GRID2: variants seen among roughly 807,000 people sequenced by gnomAD.
The protein encoded by GRID2 is glutamate receptor ionotropic, delta-2.
GRID2 carries 33 observed loss-of-function variants against 114.8 expected under a neutral mutation model. The observed-to-expected ratio is 0.29, with a 90% confidence interval of 0.22 to 0.38. GRID2 has a LOEUF of 0.38. GRID2 is among the 10% of genes least tolerant of loss of function. The pLI is 1.00. For missense variants in GRID2, 1,184 were observed against 1,257.7 expected (o/e 0.94, Z 0.89); for synonymous variants, 505 against 449.9 (o/e 1.12, Z -1.55).
intron 1 of GRID2, among the ~76,000 whole-genome samples, chr4:92,514,058 T>C (rs185232755): frequency 2.0e-5 from 3 of 151,976 alleles, no homozygotes; most frequent in South Asian, 4.1e-4. Flanking sequence ...TGGGCAGGCA[T>C]TTCTCAGGGG....
chr4:93,463,382 C>T (rs1723934041), intron 11 of GRID2, among the ~76,000 whole-genome samples: 1 of 151,960 alleles, frequency 6.6e-6, no homozygotes, highest in Admixed American at 6.6e-5. Context: ...ACTATATGGC[C>T]CTGAAAATTA....
chr4:92,401,390 G>C (rs1309005578), intron 1 of GRID2, among the ~76,000 whole-genome samples: 1 of 152,044 alleles, frequency 6.6e-6, no homozygotes, highest in Non-Finnish European at 1.5e-5. Context: ...ATAATGTTAG[G>C]AGCTGGTTTT....
At chr4:92,454,003 C>T (rs1276345195) in intron 1 of GRID2, among the ~76,000 whole-genome samples, 2 of 151,944 alleles carry the variant, frequency 1.3e-5, no homozygotes, top group Admixed American at 6.6e-5. Context: ...TGGCCACAGC[C>T]AAAACATAAT....
intron 14 of GRID2, among the ~76,000 whole-genome samples, chr4:93,739,387 G>T (rs533704306): frequency 2.6e-5 from 4 of 151,998 alleles, no homozygotes; most frequent in Admixed American, 2.0e-4. Context: ...CATTGTTTTT[G>T]CACCCCCTCA....
At chr4:92,479,337 A>G (rs987535206) in intron 1 of GRID2, among the ~76,000 whole-genome samples, 2 of 152,124 alleles carry the variant, frequency 1.3e-5, no homozygotes, top group African/African-American at 2.4e-5. Context: ...AACTGTTAGA[A>G]TGGTCCAAGT....
At chr4:92,713,486 T>TATAC (rs1406756511) in intron 2 of GRID2, among the ~76,000 whole-genome samples, 1 of 110,454 alleles carries the variant, frequency 9.1e-6, no homozygotes, top group East Asian at 2.4e-4. Flanking sequence ...CATATATATA[T>TATAC]ATATATATAT....
intron 1 of GRID2, among the ~76,000 whole-genome samples, chr4:93,796,672 T>G (rs1005447169): frequency 6.6e-6 from 1 of 152,172 alleles, no homozygotes; most frequent in Non-Finnish European, 1.5e-5. Context: ...GCCTCCCAAG[T>G]AACTGGGATT....
chr4:93,311,861 C>A (rs969933789), intron 8 of GRID2, among the ~76,000 whole-genome samples: 4 of 151,808 alleles, frequency 2.6e-5, no homozygotes, highest in Non-Finnish European at 5.9e-5. Context: ...TTAGCGTGAG[C>A]GGTTTTGGTG....
rs755106134 is a variant in GRID2 at position 93,772,097 on chromosome 4, G to A, written c.2623G>A (p.Glu875Lys). The change falls in exon 16 of 16, where the codon GAG (glutamate) becomes AAG (lysine). Residue 875 changes from glutamate (E) to lysine (K), a missense_variant. By Grantham distance (56) the Glu-to-Lys change is moderately conservative. Transcript: ENST00000282020. ...CCAGGATGACAAGGAAATTGACCTG[G>A]AGCACCTCCATAGACGTGTAAATAG... ...SKEDDKEIDL[E>K]HLHRRVNSLC... 1.2e-6 allele frequency: 2 copies of A among 1,609,458 alleles called. No individual in the cohort carries two copies. The highest frequency in any genetic ancestry group is 1.7e-5 in the Admixed American group (1 of 59,930).
chr4:93,565,360 T>C (rs1453024808), intron 13 of GRID2, among the ~76,000 whole-genome samples: 2 of 152,146 alleles, frequency 1.3e-5, no homozygotes, highest in East Asian at 1.9e-4. Flanking sequence ...AATGTCACCA[T>C]TGGAGAAACT....
At chr4:92,450,522 A>G (rs1720843629) in intron 1 of GRID2, among the ~76,000 whole-genome samples, 1 of 152,046 alleles carries the variant, frequency 6.6e-6, no homozygotes, top group East Asian at 1.9e-4. Flanking sequence ...ATTGAGTTGT[A>G]TTCTCCTGTT....
intron 2 of GRID2, among the ~76,000 whole-genome samples, chr4:92,706,434 T>G (rs1186341267): frequency 1.3e-5 from 2 of 152,200 alleles, no homozygotes; most frequent in Non-Finnish European, 2.9e-5. Context: ...AAGTTTGTAC[T>G]AATCTATATG....
intron 14 of GRID2, among the ~76,000 whole-genome samples, chr4:93,724,662 T>C (rs1729679945): frequency 6.6e-6 from 1 of 151,738 alleles, no homozygotes; most frequent in African/African-American, 2.4e-5. Flanking sequence ...AGGGAGAAAA[T>C]AAGAGACCGA....
At chr4:93,115,585 A>G (rs910180714) in intron 4 of GRID2, among the ~76,000 whole-genome samples, 1 of 152,108 alleles carries the variant, frequency 6.6e-6, no homozygotes, top group African/African-American at 2.4e-5. Flanking sequence ...GTATTAGTCC[A>G]TTCTCATGCT....
intron 2 of GRID2, among the ~76,000 whole-genome samples, chr4:92,855,623 G>T (rs1399048448): frequency 6.6e-6 from 1 of 151,808 alleles, no homozygotes; most frequent in African/African-American, 2.4e-5. Context: ...CTAGTGTAAT[G>T]GCCTTGGGAA....
intron 3 of GRID2, among the ~76,000 whole-genome samples, chr4:93,108,565 C>G (rs1233619412): frequency 6.6e-6 from 1 of 151,664 alleles, no homozygotes; most frequent in African/African-American, 2.4e-5. Context: ...TTAAGTAACT[C>G]AAATAAAGAA....
chr4:92,633,612 A>AG, intron 2 of GRID2, among the ~76,000 whole-genome samples: 1 of 152,260 alleles, frequency 6.6e-6, no homozygotes, highest in Middle Eastern at 3.4e-3. Flanking sequence ...AGAAAAAATG[A>AG]GGTAAGGATT....
intron 1 of GRID2, among the ~76,000 whole-genome samples, chr4:93,784,819 G>A (rs1439431650): frequency 6.6e-6 from 1 of 152,044 alleles, no homozygotes; most frequent in Admixed American, 6.6e-5. Context: ...CTGAAAGAAG[G>A]GAGAGAAGAT....
intron 13 of GRID2, among the ~76,000 whole-genome samples, chr4:93,608,318 T>G (rs1172369764): frequency 6.8e-6 from 1 of 147,984 alleles, no homozygotes; most frequent in Non-Finnish European, 1.5e-5. Flanking sequence ...TTAATTTTTT[T>G]TTTTTATTAT....
Sources: allele counts gnomAD v4.1 joint callset (sites outside exome capture counted in the v4.1 genomes callset), GRCh38; gene constraint gnomAD v4.1.1; transcripts MANE v1.5; gene names NCBI Gene and HGNC (gene_info 2026-07-23, HGNC 2026-07-21).